Variants in TXNRD1 observed in about 807,000 individuals in gnomAD.
The protein encoded by TXNRD1 is thioredoxin reductase 1, cytoplasmic.
Under a neutral mutation model 80.3 loss-of-function variants are expected in TXNRD1, and 57 were observed. The observed-to-expected ratio is 0.71, with a 90% CI of 0.57 to 0.89. The LOEUF is 0.89. Ranked by LOEUF, TXNRD1 falls within the 40% of genes least tolerant of loss-of-function variation. The pLI is 0.00. For missense variants in TXNRD1, 730 were observed against 803.0 expected (o/e 0.91, Z 1.10); for synonymous variants, 291 against 285.2 (o/e 1.02, Z -0.20).
At chr12:104,254,644 A>AAAAAAAAAAAAAATATATATATATAT in intron 2 of TXNRD1, among the ~76,000 whole-genome samples, 5 of 93,628 alleles carry the variant, frequency 5.3e-5, no homozygotes, top group Admixed American at 2.6e-4. Flanking sequence ...AAAAAAAAAA[A>AAAAAAAAAAAAAATATATATATATAT]ATATATATAT....
At chr12:104,265,651 G>A in intron 3 of TXNRD1, 1 of 1,606,606 alleles carries the variant, frequency 6.2e-7, no homozygotes, top group South Asian at 1.1e-5. Flanking sequence ...AGACATGGGT[G>A]CCCGGCACCG....
At chr12:104,322,322 A>G (rs995066049) in intron 10 of TXNRD1, among the ~76,000 whole-genome samples, 2 of 151,034 alleles carry the variant, frequency 1.3e-5, no homozygotes. Context: ...TAAGGCACAA[A>G]TTTCCTGGAA....
chr12:104,250,109 T>C (rs1040707898), intron 1 of TXNRD1, among the ~76,000 whole-genome samples: 1 of 152,120 alleles, frequency 6.6e-6, no homozygotes, highest in Non-Finnish European at 1.5e-5. Flanking sequence ...TACCTTTACA[T>C]TTATGGTCAA....
intron 1 of TXNRD1, among the ~76,000 whole-genome samples, chr12:104,217,389 C>T (rs1245283759): frequency 1.3e-5 from 2 of 150,984 alleles, no homozygotes; most frequent in African/African-American, 2.4e-5. Flanking sequence ...TGGCTCACCT[C>T]AGCCTCCACC....
At chr12:104,303,779 C>G in intron 4 of TXNRD1, 1 of 1,260,866 alleles carries the variant, frequency 7.9e-7, no homozygotes, top group Non-Finnish European at 1.1e-6. Flanking sequence ...CCACTTTCCA[C>G]ACGCTGGGAG....
At chr12:104,303,768 GC>G in intron 4 of TXNRD1, 1 of 1,191,170 alleles carries the variant, frequency 8.4e-7, no homozygotes, top group Non-Finnish European at 1.1e-6. Context: ...TCTAACTGCC[GC>G]CACTTTCCAC....
At position 104,225,399 on chromosome 12, in the gene TXNRD1, G is replaced by A. The variant is rs551980577; in HGVS notation, c.91+9506G>A. 5.3e-5 allele frequency among the ~76,000 whole-genome samples: 8 copies of A among 152,288 alleles called. No individual in the cohort carries two copies. In the South Asian group the frequency reaches 1.7e-3, roughly 32 times the overall value. On this transcript the variant is annotated intron_variant, in intron 1 of 16. Transcript: ENST00000525566. Reference sequence around the variant, plus strand: ...TACTGCCTTGCTTAATAGAGTGATTGGGCACGTCTAATGAAACCTTGGTGA... The same window carrying A: ...TACTGCCTTGCTTAATAGAGTGATTAGGCACGTCTAATGAAACCTTGGTGA...
chr12:104,341,307 G>A (rs2036315907), intron 16 of TXNRD1, among the ~76,000 whole-genome samples: 1 of 152,174 alleles, frequency 6.6e-6, no homozygotes, highest in East Asian at 1.9e-4. Context: ...CAAGCTGTTG[G>A]CTGATTAAGA....
At chr12:104,285,490 T>A (rs544390272) in intron 3 of TXNRD1, among the ~76,000 whole-genome samples, 1 of 152,238 alleles carries the variant, frequency 6.6e-6, no homozygotes, top group Non-Finnish European at 1.5e-5. Context: ...TGTTTTGGAA[T>A]GCCGTTAGAA....
chr12:104,264,391 T>G (rs2033431261), intron 3 of TXNRD1, among the ~76,000 whole-genome samples: 2 of 152,024 alleles, frequency 1.3e-5, no homozygotes, highest in African/African-American at 4.8e-5. Context: ...CGATGAGAGG[T>G]TAAGAGTTGA....
Position 104,339,292 on chromosome 12 carries a change from T to C in TXNRD1, c.1881+19T>C, listed in dbSNP as rs370801400. 73 of 1,613,544 alleles carry C rather than the reference T, an allele frequency of 4.5e-5. No homozygotes were observed. Among genetic ancestry groups the C allele is most frequent in the Middle Eastern group, 3.3e-4 (2 of 6,084 alleles). ...TGCAGAGGTGGGTCATCTACACTTA[T>C]ACAGTTTAAAATGTTTAAAATGTGC... is the stretch of plus-strand genomic sequence containing the variant. On this transcript the variant is annotated intron_variant, in intron 16 of 16. Transcript: ENST00000525566.
intron 4 of TXNRD1, among the ~76,000 whole-genome samples, chr12:104,310,337 A>G (rs2035091411): frequency 6.6e-6 from 1 of 152,082 alleles, no homozygotes; most frequent in South Asian, 2.1e-4. Flanking sequence ...TTTAGTAGAG[A>G]CAGGGTTCAC....
At chr12:104,332,939 GTGTGTGATTT>G (rs2036010323) in intron 14 of TXNRD1, among the ~76,000 whole-genome samples, 1 of 151,488 alleles carries the variant, frequency 6.6e-6, no homozygotes, top group Non-Finnish European at 1.5e-5. Flanking sequence ...ATATATATGT[GTGTGTGATTT>G]TGTGTGAGTA....
chr12:104,251,418 G>T, intron 1 of TXNRD1, 109 bp from the exon 2 acceptor site: 1 of 1,106,846 alleles, frequency 9.0e-7, no homozygotes. Context: ...TCCTTATTTT[G>T]GCCTGTGGGA....
intron 4 of TXNRD1, 82 bp downstream of exon 4, chr12:104,289,122 G>A: frequency 6.6e-7 from 1 of 1,506,512 alleles, no homozygotes; most frequent in Non-Finnish European, 9.0e-7. Context: ...TTTAAAGCCA[G>A]CGTGGATGTG....
intron 3 of TXNRD1, chr12:104,258,320 T>G (rs766774067): frequency 5.9e-5 from 22 of 373,100 alleles, no homozygotes; most frequent in Non-Finnish European, 1.0e-4. Flanking sequence ...GAAATTATTC[T>G]TCTTATTACT....
intron 15 of TXNRD1, among the ~76,000 whole-genome samples, chr12:104,338,270 T>C (rs2036206550): frequency 6.6e-6 from 1 of 151,964 alleles, no homozygotes; most frequent in South Asian, 2.1e-4. Flanking sequence ...TTTTTTCTCA[T>C]AAAATTGAGT....
intron 4 of TXNRD1, chr12:104,304,136 G>A: frequency 1.2e-6 from 2 of 1,614,056 alleles, no homozygotes; most frequent in Non-Finnish European, 1.7e-6. Flanking sequence ...CTCCTTAACC[G>A]AGGCTCTGGA....
intron 15 of TXNRD1, among the ~76,000 whole-genome samples, chr12:104,335,873 T>G (rs978140121): frequency 6.6e-6 from 1 of 152,170 alleles, no homozygotes; most frequent in Non-Finnish European, 1.5e-5. Context: ...TACAGGTTGG[T>G]TTTTTGGTAA....
Sources: allele counts gnomAD v4.1 joint callset (sites outside exome capture counted in the v4.1 genomes callset), GRCh38; gene constraint gnomAD v4.1.1; transcripts MANE v1.5; gene names NCBI Gene and HGNC (gene_info 2026-07-23, HGNC 2026-07-21).